SCHIP1: variants seen among roughly 807,000 people sequenced by gnomAD.
SCHIP1 encodes schwannomin-interacting protein 1.
SCHIP1 carries 8 observed loss-of-function variants against 29.7 expected under a neutral mutation model. The observed-to-expected ratio is 0.27, with a 90% CI of 0.16 to 0.49. The LOEUF is 0.49. Among genes scored for constraint, SCHIP1 ranks in the 20% least tolerant of loss-of-function variants. SCHIP1 has a pLI of 0.99. For missense variants in SCHIP1, 193 were observed against 294.6 expected (o/e 0.66, Z 2.52); for synonymous variants, 76 against 94.9 (o/e 0.80, Z 1.16).
At chr3:159,565,417 A>G in the SCHIP1 span, among the ~76,000 whole-genome samples, 1 of 152,160 alleles carries the variant, frequency 6.6e-6, no homozygotes, top group Non-Finnish European at 1.5e-5. Flanking sequence ...TTGTTATGAT[A>G]TGAACACCTG....
the SCHIP1 span, among the ~76,000 whole-genome samples, chr3:159,419,988 A>T: frequency 1.3e-5 from 2 of 152,280 alleles, no homozygotes; most frequent in Non-Finnish European, 2.9e-5. Context: ...ATTTCTGCCT[A>T]TTGTCTGAAA....
chr3:159,540,423 G>A, the SCHIP1 span, among the ~76,000 whole-genome samples: 1 of 152,054 alleles, frequency 6.6e-6, no homozygotes, highest in Non-Finnish European at 1.5e-5. Context: ...AACTAGTGAT[G>A]TGATAAAAAT....
the SCHIP1 span, among the ~76,000 whole-genome samples, chr3:159,693,571 G>T: frequency 6.6e-6 from 1 of 152,156 alleles, no homozygotes; most frequent in South Asian, 2.1e-4. Context: ...AGCTAGAATT[G>T]AAATATCTAT....
chr3:159,507,357 A>G, the SCHIP1 span, among the ~76,000 whole-genome samples: 1 of 152,224 alleles, frequency 6.6e-6, no homozygotes, highest in Non-Finnish European at 1.5e-5. Flanking sequence ...TCTCTTAAGG[A>G]GATTTTGCGC....
the SCHIP1 span, among the ~76,000 whole-genome samples, chr3:159,678,895 T>A: frequency 6.6e-6 from 1 of 152,194 alleles, no homozygotes; most frequent in Non-Finnish European, 1.5e-5. Flanking sequence ...TCACTCACTA[T>A]CACGAGAACA....
chr3:159,600,762 T>C, the SCHIP1 span, among the ~76,000 whole-genome samples: 1 of 152,254 alleles, frequency 6.6e-6, no homozygotes, highest in African/African-American at 2.4e-5. Context: ...CCTGTGCTCT[T>C]ACATTGACAT....
chr3:159,489,283 A>T, the SCHIP1 span, among the ~76,000 whole-genome samples: 3 of 152,160 alleles, frequency 2.0e-5, no homozygotes, highest in Admixed American at 2.0e-4. Flanking sequence ...TTTGTGTTCT[A>T]CTAAATTAGA....
At chr3:159,412,636 G>A in the SCHIP1 span, among the ~76,000 whole-genome samples, 10 of 152,096 alleles carry the variant, frequency 6.6e-5, no homozygotes, top group African/African-American at 2.4e-4. Context: ...GAATTGTATG[G>A]GTCCAAAGTG....
the SCHIP1 span, among the ~76,000 whole-genome samples, chr3:159,491,228 A>G: frequency 6.6e-6 from 1 of 152,230 alleles, no homozygotes; most frequent in Non-Finnish European, 1.5e-5. Flanking sequence ...TACCAGGTTC[A>G]TCTCACTGGG....
chr3:159,684,361 T>C, the SCHIP1 span, among the ~76,000 whole-genome samples: 1 of 152,212 alleles, frequency 6.6e-6, no homozygotes, highest in Admixed American at 6.5e-5. Context: ...TACTATCTCC[T>C]GACAACATTG....
the SCHIP1 span, among the ~76,000 whole-genome samples, chr3:159,528,537 T>G: frequency 6.6e-6 from 1 of 152,332 alleles, no homozygotes; most frequent in East Asian, 1.9e-4. Context: ...CACTCCTGGC[T>G]TAATTGTGTC....
At chr3:159,687,288 C>A in the SCHIP1 span, among the ~76,000 whole-genome samples, 1 of 152,022 alleles carries the variant, frequency 6.6e-6, no homozygotes, top group Admixed American at 6.6e-5. Flanking sequence ...CAAGACTCAA[C>A]CAAAATAGGA....
chr3:159,803,170 G>GGT, the SCHIP1 span, among the ~76,000 whole-genome samples: 2 of 146,946 alleles, frequency 1.4e-5, no homozygotes, highest in African/African-American at 5.2e-5. Flanking sequence ...CCAGCTAAAA[G>GGT]GTGTGTATGT....
At chr3:159,287,943 A>G in the SCHIP1 span, among the ~76,000 whole-genome samples, 1 of 152,204 alleles carries the variant, frequency 6.6e-6, no homozygotes, top group Non-Finnish European at 1.5e-5. Flanking sequence ...TATGATATCA[A>G]TTTCTTGGTA....
At chr3:159,806,650 G>C in the SCHIP1 span, among the ~76,000 whole-genome samples, 1 of 152,346 alleles carries the variant, frequency 6.6e-6, no homozygotes, top group East Asian at 1.9e-4. Flanking sequence ...GGGAACAGCA[G>C]CAGCCACAGC....
At chr3:159,632,541 G>A in the SCHIP1 span, among the ~76,000 whole-genome samples, 2,434 of 152,316 alleles carry the variant, frequency 0.016, 33 homozygotes, top group Non-Finnish European at 0.024. Context: ...TGTTGTATTA[G>A]CAACTGGCTT....
chr3:159,406,042 T>C, the SCHIP1 span, among the ~76,000 whole-genome samples: 14 of 151,864 alleles, frequency 9.2e-5, no homozygotes. Context: ...TACAGAGAGA[T>C]GAAGTAGAAA....
the SCHIP1 span, among the ~76,000 whole-genome samples, chr3:159,377,154 T>C: frequency 6.6e-6 from 1 of 152,086 alleles, no homozygotes; most frequent in African/African-American, 2.4e-5. Flanking sequence ...TGTGGAAAAA[T>C]GGAATGAGTA....
chr3:159,426,554 C>G, the SCHIP1 span, among the ~76,000 whole-genome samples: 3 of 152,134 alleles, frequency 2.0e-5, no homozygotes, highest in Non-Finnish European at 2.9e-5. Context: ...AGCTTACCAA[C>G]GAAAAAGAGT....
Sources: gnomAD v4.1 joint callset for allele counts (sites outside exome capture counted in the v4.1 genomes callset) on GRCh38, gnomAD v4.1.1 for gene constraint, MANE v1.5 for transcripts, NCBI Gene and HGNC (gene_info 2026-07-23, HGNC 2026-07-21) for gene names.